PHF20: variants seen among roughly 807,000 people sequenced by gnomAD.
The protein encoded by PHF20 is glioma-expressed antigen 2.
PHF20 carries 23 observed loss-of-function variants against 113.5 expected under a neutral mutation model. That is an observed-to-expected ratio of 0.20 (90% CI 0.15 to 0.29). PHF20 has a LOEUF of 0.29. Among genes scored for constraint, PHF20 ranks in the 10% least tolerant of loss-of-function variants. PHF20 has a pLI of 1.00. For missense variants in PHF20, 943 were observed against 1,219.6 expected, an observed-to-expected ratio of 0.77 and a Z score of 3.38; for synonymous variants, 434 against 457.3, an observed-to-expected ratio of 0.95 and a Z score of 0.65.
chr20:35,867,969 G>A (rs548540427), intron 6 of PHF20, among the ~76,000 whole-genome samples: 1 of 152,022 alleles, frequency 6.6e-6, no homozygotes, highest in African/African-American at 2.4e-5. Context: ...TTTCTGATTT[G>A]GGGTAAGCTT....
intron 15 of PHF20, among the ~76,000 whole-genome samples, chr20:35,933,830 G>A (rs764956201): frequency 2.0e-5 from 3 of 152,204 alleles, no homozygotes; most frequent in Non-Finnish European, 4.4e-5. Context: ...ACTGTGCCCG[G>A]TCGGTCTCTT....
chr20:35,898,848 C>T (rs1413085475), intron 9 of PHF20, among the ~76,000 whole-genome samples: 2 of 152,056 alleles, frequency 1.3e-5, no homozygotes, highest in Non-Finnish European at 1.5e-5. Context: ...TGACCTCAGG[C>T]GATCTGCCTC....
chr20:35,855,925 C>T (rs758880574), intron 4 of PHF20, among the ~76,000 whole-genome samples: 14 of 152,098 alleles, frequency 9.2e-5, no homozygotes, highest in Non-Finnish European at 1.6e-4. Context: ...GTGATTCACC[C>T]GCCTCGGTCT....
intron 2 of PHF20, among the ~76,000 whole-genome samples, chr20:35,813,959 G>GAAAAAAAAAAAAAAAAAAAAAAA (rs2042022207): frequency 7.3e-6 from 1 of 136,168 alleles, no homozygotes; most frequent in South Asian, 2.3e-4. Context: ...AAAAAAAAAG[G>GAAAAAAAAAAAAAAAAAAAAAAA]AAATTGACCT....
At chr20:35,850,732 T>C in intron 4 of PHF20, 1 of 524,196 alleles carries the variant, frequency 1.9e-6, no homozygotes, top group Admixed American at 2.5e-5. Context: ...TTCCATTCTA[T>C]TCCAATTTGT....
chr20:35,937,694 T>C lies in PHF20; in HGVS notation c.2301-1003T>C, dbSNP rs141277155. On this transcript the variant is annotated intron_variant, in intron 15 of 17. Transcript: ENST00000374012. ...AAGGAGGTTCTCTATAGAATGTAGA[T>C]TTCCCCACAAGAGACAGCTTCCAGG... 8.3e-3 allele frequency among the ~76,000 whole-genome samples: 1,262 copies of C among 152,302 alleles called. 18 individuals are homozygous for C. Among genetic ancestry groups the C allele is most frequent in the African/African-American group, 0.029 (1,194 of 41,572 alleles).
At position 35,914,206 on chromosome 20, in the gene PHF20, G is replaced by T; in HGVS notation, c.1825+9G>T. On this transcript the variant is annotated intron_variant, in intron 12 of 17. Coordinates refer to ENST00000374012, the MANE Select transcript of PHF20 (RefSeq NM_016436.5). ...GAAAGTGAAAGCATTGGGTAAGGAG[G>T]CTCTTCTGTCCTGATCATTTGCTGA... The T allele has an allele frequency of 2.5e-6, 4 of 1,613,854 alleles. No homozygotes were observed. The highest frequency in any genetic ancestry group is 3.4e-6 in the Non-Finnish European group (4 of 1,179,792).
rs573063796 is a variant in PHF20, at chr20:35,817,145, T to C, written c.83+15540T>C. Reference sequence around the variant, plus strand: ...GTTATGTGAACTAACAGTTCTTTCTTTTTTTTTTAAATACTCCTACAGTCT... The same window carrying C: ...GTTATGTGAACTAACAGTTCTTTCTCTTTTTTTTAAATACTCCTACAGTCT... On this transcript the variant is annotated intron_variant, in intron 2 of 17. Coordinates refer to ENST00000374012, the MANE Select transcript of PHF20 (RefSeq NM_016436.5). Among the ~76,000 whole-genome samples the C allele has an allele frequency of 2.7e-5, 4 of 150,210 alleles. No individual in the cohort carries two copies. In the East Asian group the frequency reaches 7.9e-4, roughly 29 times the overall value.
chr20:35,809,140 GAGTCTGAGGCA>G (rs1471009016), intron 2 of PHF20, among the ~76,000 whole-genome samples: 2 of 151,828 alleles, frequency 1.3e-5, no homozygotes, highest in Non-Finnish European at 1.5e-5. Context: ...AGCTACCCCT[GAGTCTGAGGCA>G]AGAGAATTGC....
chr20:35,897,237 G>T (rs1434199163), intron 9 of PHF20, among the ~76,000 whole-genome samples: 1 of 151,812 alleles, frequency 6.6e-6, no homozygotes, highest in Non-Finnish European at 1.5e-5. Flanking sequence ...ATGGGGTCTT[G>T]CTGAGTTGTC....
At chr20:35,837,572 A>G (rs2042464656) in intron 2 of PHF20, among the ~76,000 whole-genome samples, 1 of 152,248 alleles carries the variant, frequency 6.6e-6, no homozygotes, top group South Asian at 2.1e-4. Context: ...CCATATATTT[A>G]GGTTGAACCA....
At chr20:35,809,907 C>T (rs1042745787) in intron 2 of PHF20, among the ~76,000 whole-genome samples, 1 of 152,110 alleles carries the variant, frequency 6.6e-6, no homozygotes, top group African/African-American at 2.4e-5. Context: ...ACCTGACTGT[C>T]AAACCAAGGA....
At chr20:35,876,122 T>C (rs913291688) in intron 9 of PHF20, among the ~76,000 whole-genome samples, 5 of 152,148 alleles carry the variant, frequency 3.3e-5, no homozygotes, top group African/African-American at 1.2e-4. Context: ...TTGCAACTGA[T>C]TGAAGCACTT....
intron 1 of PHF20, among the ~76,000 whole-genome samples, chr20:35,787,441 A>T (rs2041445302): frequency 6.6e-6 from 1 of 151,460 alleles, no homozygotes; most frequent in South Asian, 2.1e-4. Flanking sequence ...CACCTCTCAA[A>T]GTGCTGGGAT....
chr20:35,793,995 C>CA (rs56189104), intron 1 of PHF20, among the ~76,000 whole-genome samples: 1,290 of 33,402 alleles, frequency 0.039, 42 homozygotes, highest in Non-Finnish European at 0.052. Context: ...GACTCTGTCT[C>CA]AAAAAAAAAA....
intron 2 of PHF20, among the ~76,000 whole-genome samples, chr20:35,838,626 G>C (rs2042483929): frequency 6.6e-6 from 1 of 152,110 alleles, no homozygotes; most frequent in Non-Finnish European, 1.5e-5. Flanking sequence ...GTGATATTAG[G>C]AAGGGTATTA....
chr20:35,937,855 T>TTTG (rs751595220), intron 15 of PHF20, among the ~76,000 whole-genome samples: 80 of 152,204 alleles, frequency 5.3e-4, no homozygotes, highest in African/African-American at 1.6e-3. Context: ...ATTTTAATGT[T>TTTG]TTGTTGTTGT....
rs756881455 is a variant in PHF20 at position 35,938,978 on chromosome 20, G to T, written c.2582G>T (p.Gly861Val). The stretch of plus-strand genomic sequence containing the variant: ...CAGAAGCTGGTGGTGGAGACGAGGG[G>T]CTCTGCCCTCGACGATGCGGTCAAC... The part of the protein sequence containing the change: ...VEQKLVVETR[G>V]SALDDAVNPL... The change falls in exon 16 of 18, where the codon GGC becomes GTC. Residue 861 changes from glycine to valine, a missense_variant. Physicochemically the swap from Gly to Val is moderately radical, Grantham distance 109 (BLOSUM62 -3). Coordinates refer to ENST00000374012, the MANE Select transcript of PHF20 (RefSeq NM_016436.5). 29 of 1,613,998 alleles carry T rather than the reference G, an allele frequency of 1.8e-5. No individual in the cohort carries two copies. The highest frequency in any genetic ancestry group is 2.4e-5 in the Non-Finnish European group (28 of 1,180,024).
rs1298320852 is a variant in PHF20, at chr20:35,892,691, A to G, written c.1283-6679A>G. On this transcript the variant is annotated intron_variant, in intron 9 of 17. Transcript: ENST00000374012. ...TATAGCAAATTGTGTAATTTATCAT[A>G]TTTTATCACAGGCTAGTATGCATTA... Among the ~76,000 whole-genome samples, 3 of 152,148 alleles carry G rather than the reference A, an allele frequency of 2.0e-5. No homozygotes were observed. In the East Asian group the frequency reaches 5.8e-4, roughly 29 times the overall value.
Sources: gnomAD v4.1 joint callset for allele counts (sites outside exome capture counted in the v4.1 genomes callset) on GRCh38, gnomAD v4.1.1 for gene constraint, MANE v1.5 for transcripts, NCBI Gene and HGNC (gene_info 2026-07-23, HGNC 2026-07-21) for gene names.